Variants in TCERG1L observed in about 807,000 individuals in gnomAD.
TCERG1L encodes transcription elongation regulator 1 like.
Under a neutral mutation model 56.3 loss-of-function variants are expected in TCERG1L, and 37 were observed. The ratio of observed to expected loss-of-function variants is 0.66; its 90% CI spans 0.51 to 0.87. The LOEUF is 0.87. TCERG1L is among the 40% of genes least tolerant of loss of function. The pLI is 0.00. For synonymous variants in TCERG1L, 324 were observed against 326.3 expected (o/e 0.99, Z 0.08); for missense variants, 799 against 774.2 (o/e 1.03, Z -0.38).
At chr10:131,240,212 C>A (rs924232335) in intron 4 of TCERG1L, among the ~76,000 whole-genome samples, 1 of 152,102 alleles carries the variant, frequency 6.6e-6, no homozygotes, top group Non-Finnish European at 1.5e-5. Context: ...CAGTTCTGGG[C>A]ATTAAATGTG....
chr10:131,280,173 G>C (rs1846435818), intron 3 of TCERG1L, among the ~76,000 whole-genome samples: 1 of 151,576 alleles, frequency 6.6e-6, no homozygotes, highest in Non-Finnish European at 1.5e-5. Context: ...GCAGGAGGGG[G>C]CTTCCAGGTC....
chr10:131,187,173 A>G (rs1365669583), intron 4 of TCERG1L, among the ~76,000 whole-genome samples: 1 of 152,232 alleles, frequency 6.6e-6, no homozygotes, highest in Non-Finnish European at 1.5e-5. Flanking sequence ...AGGCTGTGCT[A>G]CCAAAGACAG....
chr10:131,161,336 C>A (rs1845974969), intron 6 of TCERG1L: 1 of 152,230 alleles, frequency 6.6e-6, no homozygotes, highest in Non-Finnish European at 1.5e-5. Flanking sequence ...TGTGAGCACA[C>A]CCTGTGATGT....
At chr10:131,148,844 A>T (rs1845832020) in intron 6 of TCERG1L, among the ~76,000 whole-genome samples, 1 of 152,136 alleles carries the variant, frequency 6.6e-6, no homozygotes, top group African/African-American at 2.4e-5. Context: ...TAAGAGAATC[A>T]ATGTGTGTCG....
At chr10:131,261,737 C>T (rs1077086) in intron 3 of TCERG1L, among the ~76,000 whole-genome samples, 16,928 of 152,166 alleles carry the variant, frequency 0.11, 1,200 homozygotes, top group African/African-American at 0.19. Context: ...AAGGTTCCTC[C>T]CAGGTAGGGA....
At chr10:131,282,071 G>A (rs1846462888) in intron 3 of TCERG1L, among the ~76,000 whole-genome samples, 1 of 150,250 alleles carries the variant, frequency 6.7e-6, no homozygotes, top group South Asian at 2.1e-4. Context: ...GGGAAGCGGA[G>A]CTTGCAGTGA....
At chr10:131,196,881 GAGA>G (rs1464618627) in intron 4 of TCERG1L, among the ~76,000 whole-genome samples, 3 of 152,306 alleles carry the variant, frequency 2.0e-5, no homozygotes, top group East Asian at 1.9e-4. Context: ...GCTCTACTAA[GAGA>G]AGAAGGAGAA....
chr10:131,247,011 C>T (rs1307073065), intron 4 of TCERG1L, among the ~76,000 whole-genome samples: 2 of 152,154 alleles, frequency 1.3e-5, no homozygotes, highest in Admixed American at 6.5e-5. Context: ...CCCACGACAC[C>T]GGCGCTGCGG....
At chr10:131,227,314 T>C (rs1845800674) in intron 4 of TCERG1L, among the ~76,000 whole-genome samples, 1 of 152,184 alleles carries the variant, frequency 6.6e-6, no homozygotes, top group Non-Finnish European at 1.5e-5. Flanking sequence ...CTCCCAAAGC[T>C]GGGCTCGGAG....
At chr10:131,155,268 T>A (rs1324275447) in intron 6 of TCERG1L, among the ~76,000 whole-genome samples, 1 of 152,196 alleles carries the variant, frequency 6.6e-6, no homozygotes, top group African/African-American at 2.4e-5. Flanking sequence ...CTTAAAAGAT[T>A]TTACCAATCC....
At chr10:131,166,430 A>G (rs1846031196) in intron 5 of TCERG1L, among the ~76,000 whole-genome samples, 1 of 152,270 alleles carries the variant, frequency 6.6e-6, no homozygotes, top group Non-Finnish European at 1.5e-5. Context: ...AGTGAAGAGA[A>G]AGACCTGAAA....
rs1411139873 is a variant in TCERG1L at position 131,138,150 on chromosome 10, T to C, written c.1190-3702A>G. Among the ~76,000 whole-genome samples, 3 of 152,174 alleles carry C rather than the reference T, an allele frequency of 2.0e-5. No homozygotes were observed. The East Asian group carries it at 5.8e-4, about 29-fold the overall frequency. On this transcript the variant is annotated intron_variant, in intron 7 of 11. Transcript: ENST00000368642. ...CGGGTGTGGTGGCACATGTCTGTAA[T>C]CTCAGCTACTCAGGAGGCTGAGGCA...
chr10:131,244,303 G>A (rs534333158), intron 4 of TCERG1L, among the ~76,000 whole-genome samples: 1 of 152,178 alleles, frequency 6.6e-6, no homozygotes, highest in Non-Finnish European at 1.5e-5. Context: ...GAAATGCCAG[G>A]AGCAGAAGTG....
intron 4 of TCERG1L, among the ~76,000 whole-genome samples, chr10:131,237,653 C>T (rs1845926696): frequency 6.6e-6 from 1 of 152,162 alleles, no homozygotes. Context: ...GGAAGACGTT[C>T]CTAGGAGGCA....
chr10:131,247,998 T>TAC (rs35721508), intron 4 of TCERG1L, among the ~76,000 whole-genome samples: 53,787 of 149,538 alleles, frequency 0.36, 9,688 homozygotes, highest in South Asian at 0.49. Context: ...CAGGTGCACA[T>TAC]ACACACACAC....
chr10:131,266,360 A>G (rs1055541845), intron 3 of TCERG1L, among the ~76,000 whole-genome samples: 1 of 152,242 alleles, frequency 6.6e-6, no homozygotes, highest in African/African-American at 2.4e-5. Flanking sequence ...TCCTCTTCCT[A>G]TGAATTATGA....
intron 3 of TCERG1L, among the ~76,000 whole-genome samples, chr10:131,261,665 T>G (rs543987888): frequency 2.0e-5 from 3 of 152,392 alleles, no homozygotes; most frequent in African/African-American, 4.8e-5. Context: ...CCAGGCATTT[T>G]CCAGCAGTAG....
intron 4 of TCERG1L, among the ~76,000 whole-genome samples, chr10:131,259,435 TG>T (rs75747192): frequency 0.021 from 3,242 of 152,308 alleles, 78 homozygotes; most frequent in East Asian, 0.066. Context: ...TCCTGGGAGT[TG>T]GCACTGTCAT....
At chr10:131,127,601 G>C (rs1310850511) in intron 8 of TCERG1L, among the ~76,000 whole-genome samples, 1 of 152,314 alleles carries the variant, frequency 6.6e-6, no homozygotes, top group South Asian at 2.1e-4. Context: ...AACAGACAGA[G>C]ATGCCAGGGA....
Sources: gnomAD v4.1 joint callset for allele counts (sites outside exome capture counted in the v4.1 genomes callset) on GRCh38, gnomAD v4.1.1 for gene constraint, MANE v1.5 for transcripts, NCBI Gene and HGNC (gene_info 2026-07-23, HGNC 2026-07-21) for gene names.